Variants in GSDME observed in about 807,000 individuals in gnomAD.
GSDME encodes gasdermin E, also known as gasdermin-E.
Under a neutral mutation model 47.5 loss-of-function variants are expected in GSDME, and 44 were observed. The ratio of observed to expected loss-of-function variants is 0.93; its 90% confidence interval spans 0.73 to 1.19. The LOEUF is 1.19. Ranked by LOEUF, GSDME falls within the 50% of genes most tolerant of loss-of-function variation. The pLI is 0.00. For missense variants in GSDME, 663 were observed against 604.2 expected, an observed-to-expected ratio of 1.10 and a Z score of -1.02; for synonymous variants, 258 against 252.8, an observed-to-expected ratio of 1.02 and a Z score of -0.20.
At chr7:24,788,244 G>T in the GSDME span, among the ~76,000 whole-genome samples, 10 of 152,184 alleles carry the variant, frequency 6.6e-5, no homozygotes, top group Non-Finnish European at 4.4e-5. The surrounding 1 kb of genome is among the most constrained non-coding windows in gnomAD (Gnocchi z 4.6). Flanking sequence ...TGGGGCTCTG[G>T]GGCTCTCTCG....
chr7:24,702,553 T>C (rs1282478893), intron 9 of GSDME: 3 of 532,688 alleles, frequency 5.6e-6, no homozygotes, highest in African/African-American at 3.8e-5. Context: ...TAACAAGTTA[T>C]TTGGACAAAT....
Position 24,732,794 on chromosome 7 carries a change from G to A in GSDME, c.404+11768C>T, listed in dbSNP as rs1470916355. On this transcript the variant is annotated intron_variant, in intron 3 of 9. Coordinates refer to ENST00000645220, the MANE Select transcript of GSDME (RefSeq NM_001127453.2). The surrounding 1 kb of genome is among the most constrained non-coding windows in gnomAD (Gnocchi z 4.8). ...AGTTTTGGCAAGCCTCGCCACCATG[G>A]GCTAAAGTGCTTTGGTGTTCTAAAT... Among the ~76,000 whole-genome samples, 4 of 152,172 alleles carry A rather than the reference G, an allele frequency of 2.6e-5. No individual in the cohort carries two copies. Among genetic ancestry groups the A allele is most frequent in the East Asian group, 1.9e-4 (1 of 5,190 alleles).
chr7:24,747,738 G>A (rs897219175), intron 2 of GSDME, among the ~76,000 whole-genome samples: 3 of 152,102 alleles, frequency 2.0e-5, no homozygotes, highest in Non-Finnish European at 4.4e-5. Flanking sequence ...CACAATCATG[G>A]CTGACTTCAG....
the GSDME span, among the ~76,000 whole-genome samples, chr7:24,768,638 G>A: frequency 6.6e-6 from 1 of 152,198 alleles, no homozygotes; most frequent in Non-Finnish European, 1.5e-5. This position sits in a 1 kb window ranked among gnomAD's most constrained non-coding sequence, Gnocchi z 5.6. Flanking sequence ...AGAGACTGAG[G>A]TTGTCAACCC....
In GSDME at chr7:24,725,615, G is replaced by C. The variant is rs1329421653; in HGVS notation, c.405-6397C>G. 6.6e-6 allele frequency among the ~76,000 whole-genome samples: 1 copy of C among 152,112 alleles called. No homozygotes were observed. The highest frequency in any genetic ancestry group is 2.4e-5 in the African/African-American group (1 of 41,402). ...GTCGTGATCGATTGAGCAAGCAGTG[G>C]GTACGTGACTGGGGGCTGCATGCTC... is the stretch of plus-strand genomic sequence containing the variant. On this transcript the variant is annotated intron_variant, in intron 3 of 9. Transcript: ENST00000645220. The surrounding 1 kb of genome is among the most constrained non-coding windows in gnomAD (Gnocchi z 5.1).
chr7:24,719,871 C>T (rs1461354529), intron 3 of GSDME, among the ~76,000 whole-genome samples: 2 of 152,078 alleles, frequency 1.3e-5, no homozygotes, highest in African/African-American at 4.8e-5. Context: ...GGAAACTCCA[C>T]TTTTTTATTT....
At chr7:24,723,928 C>G (rs1052365086) in intron 3 of GSDME, among the ~76,000 whole-genome samples, 1 of 152,218 alleles carries the variant, frequency 6.6e-6, no homozygotes, top group Non-Finnish European at 1.5e-5. Flanking sequence ...TCCCCAAGCC[C>G]ATCTCACTCT....
At chr7:24,773,486 T>C in the GSDME span, among the ~76,000 whole-genome samples, 1 of 152,374 alleles carries the variant, frequency 6.6e-6, no homozygotes, top group East Asian at 1.9e-4. The surrounding 1 kb of genome is among the most constrained non-coding windows in gnomAD (Gnocchi z 5.4). Context: ...TGATGGCAAT[T>C]CATATTCTTC....
intron 9 of GSDME, among the ~76,000 whole-genome samples, chr7:24,700,377 A>T (rs1230660065): frequency 6.6e-6 from 1 of 152,178 alleles, no homozygotes; most frequent in Non-Finnish European, 1.5e-5. Flanking sequence ...AAGCAATTAC[A>T]AATTTACCAG....
chr7:24,762,520 G>A (rs1791182804), upstream of GSDME, among the ~76,000 whole-genome samples: 1 of 152,086 alleles, frequency 6.6e-6, no homozygotes, highest in Non-Finnish European at 1.5e-5. Flanking sequence ...CCAGCATAGA[G>A]AAGTAAAGCC....
At position 24,699,037 on chromosome 7, in the gene GSDME, C is replaced by G. The variant is rs1423161530; in HGVS notation, c.1480G>C (p.Glu494Gln). 6.2e-7 allele frequency: 1 copy of G among 1,612,026 alleles called. No homozygotes were observed. The highest frequency in any genetic ancestry group is 1.1e-5 in the South Asian group (1 of 90,966). The change falls in exon 10 of 10, where the codon GAA becomes CAA. Residue 494 changes from glutamate (E) to glutamine (Q), a missense_variant. By Grantham distance (29) the Glu-to-Gln change is conservative. Coordinates refer to ENST00000645220, the MANE Select transcript of GSDME (RefSeq NM_001127453.2). ...TLNGLCALGR[E>Q]HS ...GTTCACATATGACATCATGAATGTT[C>G]TCTGCCTAAAGCACAGAGTCCATTC... is the stretch of plus-strand genomic sequence containing the variant.
At position 24,754,313 on chromosome 7, in the gene GSDME, C is replaced by G. The variant is rs1790948513; in HGVS notation, c.-20+3083G>C. Among the ~76,000 whole-genome samples the G allele has an allele frequency of 6.6e-6, 1 of 151,998 alleles. No homozygotes were observed. The highest frequency in any genetic ancestry group is 1.5e-5 in the Non-Finnish European group (1 of 68,004). On this transcript the variant is annotated intron_variant, in intron 1 of 9. Coordinates refer to ENST00000645220, the MANE Select transcript of GSDME (RefSeq NM_001127453.2). The surrounding 1 kb of genome is among the most constrained non-coding windows in gnomAD (Gnocchi z 5.0). ...ACCAGCCTGGCCCAACATGGTGAAACCCGGTCTGTACTAAAAATACAAAAA... is the reference window on the plus strand; with the variant it reads ...ACCAGCCTGGCCCAACATGGTGAAAGCCGGTCTGTACTAAAAATACAAAAA...
upstream of GSDME, among the ~76,000 whole-genome samples, chr7:24,762,030 G>C (rs192397990): frequency 5.7e-4 from 87 of 152,238 alleles, 1 homozygote; most frequent in Non-Finnish European, 1.1e-3. Flanking sequence ...GAGGTGGGTA[G>C]ATCAGTTGAG....
At chr7:24,720,745 G>A (rs891019929) in intron 3 of GSDME, among the ~76,000 whole-genome samples, 4 of 152,104 alleles carry the variant, frequency 2.6e-5, no homozygotes, top group South Asian at 2.1e-4. Context: ...GAGAAACCCC[G>A]TCTCTACTGA....
intron 2 of GSDME, among the ~76,000 whole-genome samples, chr7:24,746,554 T>C (rs1790676427): frequency 6.6e-6 from 1 of 152,210 alleles, no homozygotes; most frequent in South Asian, 2.1e-4. Flanking sequence ...AGGACAGTCC[T>C]AGGTTCTACA....
chr7:24,784,293 G>A, the GSDME span, among the ~76,000 whole-genome samples: 6 of 152,208 alleles, frequency 3.9e-5, no homozygotes, highest in African/African-American at 1.4e-4. Context: ...ATATATAAAG[G>A]GGAGTTTACT....
Position 24,749,762 on chromosome 7 carries a change from C to T in GSDME, c.13G>A (p.Ala5Thr). The T allele has an allele frequency of 1.2e-6, 2 of 1,613,752 alleles. No homozygotes were observed. The highest frequency in any genetic ancestry group is 1.7e-6 in the Non-Finnish European group (2 of 1,179,726). The part of the protein sequence containing the change: MFAK[A>T]TRNFLREVDA... ...ACTTCTCTAAGAAAATTCCTGGTTG[C>T]TTTGGCAAACATTTTGAAAGCTCCA... The change falls in exon 2 of 10, where the codon GCA becomes ACA. Residue 5 changes from alanine (A) to threonine (T), a missense_variant. Coordinates refer to ENST00000645220, the MANE Select transcript of GSDME (RefSeq NM_001127453.2).
the GSDME span, among the ~76,000 whole-genome samples, chr7:24,774,767 A>G: frequency 6.6e-6 from 1 of 152,068 alleles, no homozygotes; most frequent in Admixed American, 6.6e-5. Context: ...TCCTGACCTC[A>G]TGATTCGCCC....
chr7:24,749,771 A>C lies in GSDME; in HGVS notation c.4T>G (p.Phe2Val), dbSNP rs2128065921. The C allele has an allele frequency of 6.2e-7, 1 of 1,612,832 alleles. No homozygotes were observed. Among genetic ancestry groups the C allele is most frequent in the Non-Finnish European group, 8.5e-7 (1 of 1,178,944 alleles). Reference protein sequence around the residue: MFAKATRNFLRE... With the variant: MVAKATRNFLRE... The stretch of plus-strand genomic sequence containing the variant: ...AGAAAATTCCTGGTTGCTTTGGCAA[A>C]CATTTTGAAAGCTCCAGATTATCTG... The change falls in exon 2 of 10, where the codon TTT (phenylalanine) becomes GTT (valine). Residue 2 changes from phenylalanine (F) to valine (V), a missense_variant. Transcript: ENST00000645220.
Sources: allele counts gnomAD v4.1 joint callset (sites outside exome capture counted in the v4.1 genomes callset), GRCh38; gene constraint gnomAD v4.1.1; non-coding constraint Gnocchi (gnomAD v3.1); transcripts MANE v1.5; gene names NCBI Gene and HGNC (gene_info 2026-07-23, HGNC 2026-07-21).